Variants in CACNA2D3 observed in about 807,000 individuals in gnomAD.
CACNA2D3 encodes the protein calcium voltage-gated channel auxiliary subunit alpha2delta 3.
A neutral mutation model predicts 160.6 loss-of-function variants in CACNA2D3; 60 were observed. That is an observed-to-expected ratio of 0.37 (90% confidence interval 0.30 to 0.46). The LOEUF (loss-of-function observed/expected upper bound fraction) is 0.46, where lower values mean the gene tolerates loss of function less well. CACNA2D3 is among the 20% of genes least tolerant of loss of function. CACNA2D3 has a pLI of 1.00. For synonymous variants in CACNA2D3, 558 were observed against 492.9 expected, an observed-to-expected ratio of 1.13 and a Z score of -1.75; for missense variants, 1,205 against 1,365.0, an observed-to-expected ratio of 0.88 and a Z score of 1.85.
chr3:54,579,722 G>C (rs1352496962), intron 8 of CACNA2D3, among the ~76,000 whole-genome samples: 1 of 152,204 alleles, frequency 6.6e-6, no homozygotes, highest in Non-Finnish European at 1.5e-5. Flanking sequence ...TCCAGGGTCA[G>C]TCCAACAGAG....
chr3:54,703,683 A>G (rs1411174822), intron 11 of CACNA2D3, among the ~76,000 whole-genome samples: 2 of 152,228 alleles, frequency 1.3e-5, no homozygotes, highest in Non-Finnish European at 1.5e-5. Context: ...AAGGTGCCAC[A>G]TGAAAAGCTA....
chr3:54,656,507 C>T (rs1256094737), intron 11 of CACNA2D3, among the ~76,000 whole-genome samples: 1 of 152,194 alleles, frequency 6.6e-6, no homozygotes, highest in Non-Finnish European at 1.5e-5. Flanking sequence ...ACTCATCGGG[C>T]GAGCTGTGCC....
chr3:54,777,904 T>C (rs971939931), intron 13 of CACNA2D3, among the ~76,000 whole-genome samples: 1 of 152,178 alleles, frequency 6.6e-6, no homozygotes, highest in African/African-American at 2.4e-5. Flanking sequence ...AAGACCCAAT[T>C]TGAAAAGTTT....
chr3:54,242,714 C>T (rs536390835), intron 2 of CACNA2D3, among the ~76,000 whole-genome samples: 4 of 152,126 alleles, frequency 2.6e-5, no homozygotes, highest in Non-Finnish European at 5.9e-5. Context: ...CTCAGAATAG[C>T]GCACAATTTA....
intron 8 of CACNA2D3, among the ~76,000 whole-genome samples, chr3:54,573,859 C>T (rs992771748): frequency 6.6e-6 from 1 of 152,188 alleles, no homozygotes; most frequent in Non-Finnish European, 1.5e-5. Context: ...TCGTTGAATT[C>T]TTATTCTTTT....
chr3:54,528,913 G>C (rs1299027244), intron 5 of CACNA2D3, among the ~76,000 whole-genome samples: 2 of 152,198 alleles, frequency 1.3e-5, no homozygotes, highest in Non-Finnish European at 2.9e-5. Context: ...TAAGTGGCAC[G>C]ATCCCATGTG....
chr3:54,374,721 C>T (rs1213535942), intron 3 of CACNA2D3, among the ~76,000 whole-genome samples: 1 of 152,154 alleles, frequency 6.6e-6, no homozygotes, highest in Non-Finnish European at 1.5e-5. Flanking sequence ...TACCTTTGCA[C>T]CCACCTAATA....
intron 31 of CACNA2D3, among the ~76,000 whole-genome samples, chr3:54,992,788 A>G (rs527372452): frequency 5.3e-5 from 8 of 151,770 alleles, no homozygotes; most frequent in Admixed American, 3.9e-4. Flanking sequence ...AAGAAAAAAA[A>G]AAAAAAGAAA....
intron 27 of CACNA2D3, among the ~76,000 whole-genome samples, chr3:54,921,626 A>G (rs1700853392): frequency 6.6e-6 from 1 of 152,110 alleles, no homozygotes; most frequent in African/African-American, 2.4e-5. Flanking sequence ...AATTGAATTA[A>G]TTAATGCCAC....
chr3:54,687,115 C>CTTTTTTTTTTTTTTT (rs1338617031), intron 11 of CACNA2D3, among the ~76,000 whole-genome samples: 11 of 40,878 alleles, frequency 2.7e-4, no homozygotes, highest in Non-Finnish European at 5.6e-4. Context: ...TTTTCTTTTT[C>CTTTTTTTTTTTTTTT]TTTTTCTTTT....
At chr3:55,006,302 C>G (rs1703092249) in intron 32 of CACNA2D3, among the ~76,000 whole-genome samples, 1 of 152,056 alleles carries the variant, frequency 6.6e-6, no homozygotes, top group Admixed American at 6.5e-5. Flanking sequence ...TGCCTGAGTG[C>G]CTTCCCCTGG....
At chr3:54,147,453 C>A (rs1700052755) in intron 2 of CACNA2D3, among the ~76,000 whole-genome samples, 1 of 152,234 alleles carries the variant, frequency 6.6e-6, no homozygotes, top group Non-Finnish European at 1.5e-5. Context: ...AAACAGACTC[C>A]TTTCTTCTCC....
chr3:54,936,459 T>A (rs2106970306), intron 27 of CACNA2D3, among the ~76,000 whole-genome samples: 2 of 152,308 alleles, frequency 1.3e-5, no homozygotes, highest in Middle Eastern at 6.8e-3. Context: ...GAAAGTTGAT[T>A]GTTAGTATCA....
rs1306665 is a variant in CACNA2D3, at chr3:54,868,692, A to T, written c.1627-2847A>T. The stretch of plus-strand genomic sequence containing the variant: ...TAAGCTCCACACCAAGCAGAGACAT[A>T]TGAATGTGATTGTCTGACACCATCA... On this transcript the variant is annotated intron_variant, in intron 17 of 37. Transcript: ENST00000474759. Among the ~76,000 whole-genome samples, 5 of 151,846 alleles carry T rather than the reference A, an allele frequency of 3.3e-5. No homozygotes were observed. The South Asian group carries it at 1.0e-3, about 32-fold the overall frequency.
In CACNA2D3 at chr3:55,045,475, T is replaced by A. The variant is rs1398119517; in HGVS notation, c.2987+27158T>A. Among the ~76,000 whole-genome samples the A allele has an allele frequency of 2.6e-5, 4 of 152,252 alleles. No individual in the cohort carries two copies. In the South Asian group the frequency reaches 8.3e-4, roughly 31 times the overall value. On this transcript the variant is annotated intron_variant, in intron 35 of 37. Coordinates refer to ENST00000474759, the MANE Select transcript of CACNA2D3 (RefSeq NM_018398.3). Reference sequence around the variant, plus strand: ...AGAAGATTTTGTGTCAAATCTGTACTACTTCTCCCTTAAATGTTTAGTAGA... The same window carrying A: ...AGAAGATTTTGTGTCAAATCTGTACAACTTCTCCCTTAAATGTTTAGTAGA...
In CACNA2D3 at chr3:54,144,659, A is replaced by G. The variant is rs1216622703; in HGVS notation, c.204+21065A>G. 7.9e-5 allele frequency among the ~76,000 whole-genome samples: 12 copies of G among 152,366 alleles called. No individual in the cohort carries two copies. In the East Asian group the frequency reaches 2.1e-3, roughly 27 times the overall value. On this transcript the variant is annotated intron_variant, in intron 2 of 37. Transcript: ENST00000474759. The stretch of plus-strand genomic sequence containing the variant: ...CTGGGGCCAGGCATACCTGGGTTCA[A>G]ATACTGGCTTTGCTGCTTACTAGTT...
At chr3:54,852,786 CAT>C (rs1699085764) in intron 17 of CACNA2D3, among the ~76,000 whole-genome samples, 1 of 152,186 alleles carries the variant, frequency 6.6e-6, no homozygotes, top group Non-Finnish European at 1.5e-5. Context: ...CCCATGGACA[CAT>C]GTGAATATGT....
At chr3:54,385,647 T>C (rs1431061063) in intron 3 of CACNA2D3, among the ~76,000 whole-genome samples, 3 of 152,210 alleles carry the variant, frequency 2.0e-5, no homozygotes, top group African/African-American at 7.2e-5. Context: ...GTTACCCGAA[T>C]GTATTTCAGC....
At chr3:54,143,312 G>A (rs1337369458) in intron 2 of CACNA2D3, among the ~76,000 whole-genome samples, 1 of 152,156 alleles carries the variant, frequency 6.6e-6, no homozygotes, top group Non-Finnish European at 1.5e-5. Context: ...GAATTTCCTT[G>A]TGTTCATGTA....
Sources: allele counts gnomAD v4.1 joint callset (sites outside exome capture counted in the v4.1 genomes callset), GRCh38; gene constraint gnomAD v4.1.1; transcripts MANE v1.5; gene names NCBI Gene and HGNC (gene_info 2026-07-23, HGNC 2026-07-21).